Variants in FOXP1 observed in about 807,000 individuals in gnomAD.
FOXP1 encodes the protein forkhead box protein P1.
A neutral mutation model predicts 98.2 loss-of-function variants in FOXP1; 15 were observed. The ratio of observed to expected loss-of-function variants is 0.15; its 90% confidence interval spans 0.10 to 0.24. The LOEUF (loss-of-function observed/expected upper bound fraction) is 0.24. Ranked by LOEUF, FOXP1 falls within the 10% of genes least tolerant of loss-of-function variation. The pLI is 1.00. For missense variants in FOXP1, 633 were observed against 848.5 expected (o/e 0.75, Z 3.15); for synonymous variants, 371 against 314.5 (o/e 1.18, Z -1.90).
At chr3:71,036,648 G>A (rs115929050) in intron 11 of FOXP1, among the ~76,000 whole-genome samples, 15 of 152,236 alleles carry the variant, frequency 9.9e-5, no homozygotes, top group Non-Finnish European at 1.9e-4. Flanking sequence ...GAAAAAAGTG[G>A]GGATACGTTA....
intron 6 of FOXP1, among the ~76,000 whole-genome samples, chr3:71,137,331 C>G (rs965716629): frequency 6.6e-6 from 1 of 152,008 alleles, no homozygotes; most frequent in African/African-American, 2.4e-5. Context: ...AGCCAAGGCA[C>G]AGCAAAACAT....
intron 2 of FOXP1, among the ~76,000 whole-genome samples, chr3:71,493,800 A>G (rs2091226314): frequency 6.6e-6 from 1 of 152,212 alleles, no homozygotes; most frequent in Non-Finnish European, 1.5e-5. Flanking sequence ...TGGGCTTTGT[A>G]CCAAATATTT....
chr3:71,098,194 A>C (rs541879362), intron 7 of FOXP1, among the ~76,000 whole-genome samples: 42 of 152,256 alleles, frequency 2.8e-4, no homozygotes, highest in African/African-American at 8.7e-4. Flanking sequence ...TCAAAATGAG[A>C]GATTTAGGTG....
intron 3 of FOXP1, among the ~76,000 whole-genome samples, chr3:71,420,032 G>T (rs1056862994): frequency 5.3e-5 from 8 of 151,988 alleles, no homozygotes; most frequent in African/African-American, 1.9e-4. Context: ...GGCCAGGCTG[G>T]TCTCGAACTC....
intron 3 of FOXP1, among the ~76,000 whole-genome samples, chr3:71,434,658 G>T (rs2085057987): frequency 2.6e-5 from 4 of 151,852 alleles, no homozygotes; most frequent in Admixed American, 2.6e-4. Flanking sequence ...GTGTGTGTGT[G>T]TGTGTGTAAG....
At chr3:71,307,551 C>T (rs1228993893) in intron 4 of FOXP1, among the ~76,000 whole-genome samples, 2 of 152,158 alleles carry the variant, frequency 1.3e-5, no homozygotes, top group Non-Finnish European at 2.9e-5. Context: ...TTTTGTCCAC[C>T]CTTTTGCCTT....
At chr3:71,035,769 G>C (rs1038141773) in intron 11 of FOXP1, among the ~76,000 whole-genome samples, 3 of 151,158 alleles carry the variant, frequency 2.0e-5, no homozygotes, top group African/African-American at 7.3e-5. Flanking sequence ...TCTGATTTTT[G>C]GGGAAAAAAA....
chr3:71,446,938 GT>G (rs1462458099), intron 3 of FOXP1, among the ~76,000 whole-genome samples: 1 of 152,260 alleles, frequency 6.6e-6, no homozygotes, highest in Non-Finnish European at 1.5e-5. Context: ...GGGCCAGGCA[GT>G]TGCTTCAATG....
At chr3:71,380,958 C>G (rs953928175) in intron 3 of FOXP1, among the ~76,000 whole-genome samples, 1 of 151,836 alleles carries the variant, frequency 6.6e-6, no homozygotes, top group Non-Finnish European at 1.5e-5. Context: ...GTAAAACTTA[C>G]CATATCTGGA....
At chr3:71,518,805 C>A (rs1033065282) in intron 2 of FOXP1, among the ~76,000 whole-genome samples, 2 of 152,182 alleles carry the variant, frequency 1.3e-5, no homozygotes, top group Non-Finnish European at 1.5e-5. Flanking sequence ...CCCTCCATTA[C>A]TCTGTGACCT....
chr3:71,521,479 A>T (rs2042981416), intron 2 of FOXP1, among the ~76,000 whole-genome samples: 1 of 150,500 alleles, frequency 6.6e-6, no homozygotes, highest in South Asian at 2.1e-4. Flanking sequence ...GTGAGCCAAG[A>T]TCACACCACT....
intron 6 of FOXP1, among the ~76,000 whole-genome samples, chr3:71,154,851 A>G (rs1279122858): frequency 6.6e-6 from 1 of 152,262 alleles, no homozygotes; most frequent in Non-Finnish European, 1.5e-5. Flanking sequence ...GGAAGACAAC[A>G]TAACAGGAGC....
chr3:71,148,025 G>A (rs950222030), intron 6 of FOXP1, among the ~76,000 whole-genome samples: 8 of 152,074 alleles, frequency 5.3e-5, no homozygotes, highest in Non-Finnish European at 1.2e-4. Flanking sequence ...CATAAAAATC[G>A]CATAAATCAA....
chr3:71,021,974 A>T (rs533569313), intron 11 of FOXP1, among the ~76,000 whole-genome samples: 2 of 152,288 alleles, frequency 1.3e-5, no homozygotes, highest in African/African-American at 4.8e-5. Flanking sequence ...TCCAATTTAT[A>T]TATTTTTTCT....
At chr3:71,563,415 G>A (rs572478693) in intron 2 of FOXP1, among the ~76,000 whole-genome samples, 7 of 152,294 alleles carry the variant, frequency 4.6e-5, no homozygotes, top group African/African-American at 1.4e-4. Context: ...TGCAAAGATC[G>A]GCAACTGGCT....
chr3:71,202,942 A>C (rs545883450), intron 5 of FOXP1, among the ~76,000 whole-genome samples: 1 of 152,188 alleles, frequency 6.6e-6, no homozygotes, highest in African/African-American at 2.4e-5. Context: ...TCTTCGAGGA[A>C]GCTTGTCTCA....
chr3:71,254,623 T>C (rs2068483598), intron 5 of FOXP1, among the ~76,000 whole-genome samples: 1 of 152,168 alleles, frequency 6.6e-6, no homozygotes, highest in African/African-American at 2.4e-5. Context: ...ATTTTTATTC[T>C]CAATCTTGTG....
intron 7 of FOXP1, among the ~76,000 whole-genome samples, chr3:71,090,503 G>C (rs59837451): frequency 0.021 from 3,152 of 152,274 alleles, 101 homozygotes; most frequent in African/African-American, 0.073. Context: ...ACTCTAACTA[G>C]AAGGCTTGAT....
At chr3:71,087,060 C>G (rs1489930587) in intron 7 of FOXP1, among the ~76,000 whole-genome samples, 1 of 152,196 alleles carries the variant, frequency 6.6e-6, no homozygotes, top group Non-Finnish European at 1.5e-5. Context: ...ATGCAACTTA[C>G]TATTCAACAT....
Sources: allele counts gnomAD v4.1 joint callset (sites outside exome capture counted in the v4.1 genomes callset), GRCh38; gene constraint gnomAD v4.1.1; transcripts MANE v1.5; gene names NCBI Gene and HGNC (gene_info 2026-07-23, HGNC 2026-07-21).